SHISAL1: variants seen among roughly 807,000 people sequenced by gnomAD.
The protein encoded by SHISAL1 is protein shisa-like-1.
Under a neutral mutation model 22.6 loss-of-function variants are expected in SHISAL1, and 9 were observed. The ratio of observed to expected loss-of-function variants is 0.40; its 90% CI spans 0.24 to 0.70. SHISAL1 has a LOEUF of 0.70. Ranked by LOEUF, SHISAL1 falls within the 30% of genes least tolerant of loss-of-function variation. The pLI, the probability that SHISAL1 is intolerant of heterozygous loss-of-function variation, is 0.39. For missense variants in SHISAL1, 246 were observed against 270.6 expected (o/e 0.91, Z 0.64); for synonymous variants, 119 against 115.4 (o/e 1.03, Z -0.20).
At chr22:44,309,274 T>C (rs956791721) in intron 1 of SHISAL1, among the ~76,000 whole-genome samples, 1 of 152,214 alleles carries the variant, frequency 6.6e-6, no homozygotes, top group Non-Finnish European at 1.5e-5. Flanking sequence ...TCACAGACAG[T>C]AGATTACGTA....
At chr22:44,275,156 C>T (rs1003931299) in intron 4 of SHISAL1, among the ~76,000 whole-genome samples, 1 of 152,200 alleles carries the variant, frequency 6.6e-6, no homozygotes, top group Non-Finnish European at 1.5e-5. Flanking sequence ...GGGCCCTCCT[C>T]TGGTGGGGAG....
At chr22:44,271,977 A>G (rs135413) in intron 4 of SHISAL1, among the ~76,000 whole-genome samples, 84,479 of 152,130 alleles carry the variant, frequency 0.56, 24,566 homozygotes, top group Non-Finnish European at 0.65. Context: ...TTTGCACAGT[A>G]GTTGCTGCGT....
chr22:44,259,232 A>G (rs2055105576), intron 4 of SHISAL1, among the ~76,000 whole-genome samples: 1 of 152,132 alleles, frequency 6.6e-6, no homozygotes, highest in African/African-American at 2.4e-5. Context: ...TCACGAGGTC[A>G]GGAGTTTGAG....
the SHISAL1 span, among the ~76,000 whole-genome samples, chr22:44,326,923 C>T: frequency 6.6e-6 from 1 of 152,074 alleles, no homozygotes; most frequent in Non-Finnish European, 1.5e-5. Context: ...TTGTACTCCT[C>T]CCCACACCCC....
intron 4 of SHISAL1, among the ~76,000 whole-genome samples, chr22:44,252,610 G>A (rs943479127): frequency 4.9e-5 from 7 of 143,888 alleles, no homozygotes; most frequent in Non-Finnish European, 3.0e-5. Context: ...AAATGTTAAT[G>A]AGCCATACAC....
intron 4 of SHISAL1, among the ~76,000 whole-genome samples, chr22:44,250,726 G>A (rs2055041552): frequency 6.6e-6 from 1 of 152,214 alleles, no homozygotes; most frequent in East Asian, 1.9e-4. Flanking sequence ...CACTAACACA[G>A]GTGGAGTAGA....
At chr22:44,266,437 GGGGGTTGTGTGTGT>G (rs1891503587) in intron 4 of SHISAL1, among the ~76,000 whole-genome samples, 1 of 144,730 alleles carries the variant, frequency 6.9e-6, no homozygotes, top group African/African-American at 2.6e-5. Flanking sequence ...GTGTGTGTTG[GGGGGTTGTGTGTGT>G]GGGGCTGTGT....
chr22:44,305,986 C>G (rs1348702018), intron 1 of SHISAL1, among the ~76,000 whole-genome samples: 1 of 152,192 alleles, frequency 6.6e-6, no homozygotes, highest in Non-Finnish European at 1.5e-5. Context: ...ACCCGCCGTG[C>G]GTCACGAGAA....
intron 4 of SHISAL1, among the ~76,000 whole-genome samples, chr22:44,268,378 C>T (rs2055179978): frequency 6.6e-6 from 1 of 152,200 alleles, no homozygotes; most frequent in African/African-American, 2.4e-5. Context: ...TGCCCCTGGT[C>T]AGCACCTCCA....
chr22:44,299,840 A>G (rs1422030871), intron 2 of SHISAL1, among the ~76,000 whole-genome samples: 1 of 152,096 alleles, frequency 6.6e-6, no homozygotes, highest in East Asian at 1.9e-4. Flanking sequence ...ACACAGAGAG[A>G]TAGACAGAGA....
chr22:44,254,403 C>G (rs1485478463), intron 4 of SHISAL1, among the ~76,000 whole-genome samples: 9 of 152,068 alleles, frequency 5.9e-5, no homozygotes, highest in Non-Finnish European at 2.9e-5. Context: ...CTCTGTCACT[C>G]TAGCTGGAGT....
intron 4 of SHISAL1, among the ~76,000 whole-genome samples, chr22:44,282,332 C>T (rs1272477500): frequency 6.6e-6 from 1 of 152,232 alleles, no homozygotes; most frequent in African/African-American, 2.4e-5. Context: ...GCAGTCCTGG[C>T]CCCCAGCACA....
chr22:44,260,270 G>T (rs935132059), intron 4 of SHISAL1, among the ~76,000 whole-genome samples: 1 of 152,176 alleles, frequency 6.6e-6, no homozygotes, highest in African/African-American at 2.4e-5. Flanking sequence ...CTTTCTACTA[G>T]ACCTCGTTCT....
At chr22:44,294,260 A>C (rs1406637322) in intron 3 of SHISAL1, among the ~76,000 whole-genome samples, 1 of 152,158 alleles carries the variant, frequency 6.6e-6, no homozygotes, top group African/African-American at 2.4e-5. Flanking sequence ...AGATGGCGAG[A>C]GATTCAAGGG....
intron 3 of SHISAL1, among the ~76,000 whole-genome samples, chr22:44,286,656 T>G (rs1399888353): frequency 6.6e-6 from 1 of 152,136 alleles, no homozygotes; most frequent in Non-Finnish European, 1.5e-5. Context: ...AAGCCTGTCT[T>G]CTGGCCCACA....
intron 4 of SHISAL1, among the ~76,000 whole-genome samples, chr22:44,277,859 A>T (rs896935979): frequency 6.6e-6 from 1 of 152,156 alleles, no homozygotes; most frequent in Non-Finnish European, 1.5e-5. Flanking sequence ...ATAATGTTGA[A>T]TTAAAAACCC....
intron 4 of SHISAL1, among the ~76,000 whole-genome samples, chr22:44,260,923 G>T (rs150233936): frequency 1.8e-3 from 267 of 152,054 alleles, no homozygotes; most frequent in Middle Eastern, 3.4e-3. Flanking sequence ...ACTCCCTGGG[G>T]ATACATCTCT....
chr22:44,322,930 C>T, the SHISAL1 span, among the ~76,000 whole-genome samples: 1 of 152,104 alleles, frequency 6.6e-6, no homozygotes, highest in Non-Finnish European at 1.5e-5. Context: ...TCCACCCATC[C>T]ATCTGTCCGT....
intron 4 of SHISAL1, among the ~76,000 whole-genome samples, chr22:44,269,407 C>T (rs934209512): frequency 2.0e-4 from 29 of 148,168 alleles, no homozygotes; most frequent in Non-Finnish European, 3.7e-4. Flanking sequence ...CCACACAATA[C>T]ACACACACAC....
Sources: gnomAD v4.1 joint callset for allele counts (sites outside exome capture counted in the v4.1 genomes callset) on GRCh38, gnomAD v4.1.1 for gene constraint, MANE v1.5 for transcripts, NCBI Gene and HGNC (gene_info 2026-07-23, HGNC 2026-07-21) for gene names.